The following ATP9A variants were observed in gnomAD, a reference collection of about 807,000 sequenced individuals.
ATP9A encodes the protein ATPase phospholipid transporting 9A.
A neutral mutation model predicts 144.1 loss-of-function variants in ATP9A; 52 were observed. The observed-to-expected ratio is 0.36, with a 90% CI of 0.29 to 0.45. The LOEUF (loss-of-function observed/expected upper bound fraction) is 0.45. ATP9A is among the 20% of genes least tolerant of loss of function. The pLI, the probability that ATP9A is intolerant of heterozygous loss-of-function variation, is 1.00. For synonymous variants in ATP9A, 582 were observed against 557.4 expected, an observed-to-expected ratio of 1.04 and a Z score of -0.62; for missense variants, 947 against 1,392.7, an observed-to-expected ratio of 0.68 and a Z score of 5.09.
At chr20:51,617,424 G>C in intron 22 of ATP9A, 66 bp downstream of exon 22, 1 of 1,490,874 alleles carries the variant, frequency 6.7e-7, no homozygotes, top group Non-Finnish European at 9.2e-7. Flanking sequence ...TTAAAGCTGT[G>C]TCTTTGAGGG....
intron 15 of ATP9A, among the ~76,000 whole-genome samples, chr20:51,631,333 A>G (rs1012022011): frequency 6.6e-6 from 1 of 152,214 alleles, no homozygotes; most frequent in Non-Finnish European, 1.5e-5. Context: ...GACTGTGGCT[A>G]TGCCTGCTCT....
rs2077123054 is a variant in ATP9A, at chr20:51,597,232, A to G, written c.*3979T>C. 6.6e-6 allele frequency: 1 copy of G among 152,206 alleles called. No homozygotes were observed. Among genetic ancestry groups the G allele is most frequent in the Admixed American group, 6.5e-5 (1 of 15,284 alleles). The allele number at this position is 152,206 out of a possible 1,614,324, so 9.4% of individuals were successfully genotyped here. ...GGTAATGCCGCTTTGGCCTGAGAAG[A>G]TGCTTCGGAGCTCCAGGTGGAGGAG... On this transcript the variant is annotated 3_prime_UTR_variant, in exon 28 of 28. Coordinates refer to ENST00000338821, the MANE Select transcript of ATP9A (RefSeq NM_006045.3).
chr20:51,660,260 A>C (rs76609148), intron 13 of ATP9A, among the ~76,000 whole-genome samples: 3,219 of 152,340 alleles, frequency 0.021, 121 homozygotes, highest in African/African-American at 0.073. Flanking sequence ...GAAAAGCTGT[A>C]CTGAGGGCAT....
At position 51,638,069 on chromosome 20, in the gene ATP9A, TTTTATATATATATATATATA is replaced by T. The variant is rs1438242252; in HGVS notation, c.1668+1254_1668+1273del. Among the ~76,000 whole-genome samples the T allele has an allele frequency of 3.7e-3, 269 of 73,144 alleles. 16 individuals carry two copies. The highest frequency in any genetic ancestry group is 9.5e-3 in the East Asian group (25 of 2,636). The allele number at this position is 73,144 out of a possible 152,430, so 48.0% of individuals were successfully genotyped here. A position where few individuals can be genotyped will look rare whatever the true frequency, so the allele number is the denominator to read the frequency against. On this transcript the variant is annotated intron_variant, in intron 15 of 27. Transcript: ENST00000338821. Reference sequence around the variant, plus strand: ...TCCATGGCTAAGTAGCATTTCATCATTTTATATATATATATATATATATATATATATATATATATATATAT... The same window carrying T: ...TCCATGGCTAAGTAGCATTTCATCATTATATATATATATATATATATATAT...
intron 14 of ATP9A, among the ~76,000 whole-genome samples, chr20:51,654,794 G>A (rs796362209): frequency 2.1e-5 from 1 of 48,780 alleles, no homozygotes; most frequent in Non-Finnish European, 6.1e-5. Context: ...TGCCTACTTG[G>A]GGCTTCACAA....
chr20:51,652,502 C>A (rs1175105266), intron 14 of ATP9A, among the ~76,000 whole-genome samples: 1 of 152,194 alleles, frequency 6.6e-6, no homozygotes, highest in Non-Finnish European at 1.5e-5. Flanking sequence ...TTCAAAGGCA[C>A]GATTCTAGAG....
At chr20:51,767,994 G>A (rs1463447215) in intron 1 of ATP9A, among the ~76,000 whole-genome samples, 2 of 152,208 alleles carry the variant, frequency 1.3e-5, no homozygotes, top group East Asian at 1.9e-4. Flanking sequence ...AAGCACGGCT[G>A]ATCCGAATTC....
chr20:51,670,906 C>T (rs572547327), intron 12 of ATP9A, among the ~76,000 whole-genome samples: 3 of 152,256 alleles, frequency 2.0e-5, no homozygotes, highest in African/African-American at 4.8e-5. Context: ...AAGGAGTGAC[C>T]GCACTGAAAC....
chr20:51,675,758 T>C (rs1418644597), intron 10 of ATP9A, among the ~76,000 whole-genome samples: 1 of 151,880 alleles, frequency 6.6e-6, no homozygotes, highest in Non-Finnish European at 1.5e-5. Context: ...TACACGCCTA[T>C]AGTCCCAGCT....
At chr20:51,761,800 C>T (rs984294625) in intron 1 of ATP9A, among the ~76,000 whole-genome samples, 1 of 151,818 alleles carries the variant, frequency 6.6e-6, no homozygotes, top group African/African-American at 2.4e-5. Context: ...TGGCTTAAAA[C>T]AATGCAAGTT....
intron 13 of ATP9A, among the ~76,000 whole-genome samples, chr20:51,669,451 T>C (rs1266468144): frequency 2.0e-5 from 3 of 152,196 alleles, no homozygotes; most frequent in South Asian, 2.1e-4. Flanking sequence ...CTCGTGATTG[T>C]TGAGTTGAAT....
At chr20:51,601,554 G>A (rs188736484) in intron 27 of ATP9A, among the ~76,000 whole-genome samples, 2 of 152,260 alleles carry the variant, frequency 1.3e-5, no homozygotes, top group African/African-American at 2.4e-5. Flanking sequence ...GATTTTCCTC[G>A]CTCTCTCTTC....
At chr20:51,746,567 C>T (rs1181520118) in intron 1 of ATP9A, among the ~76,000 whole-genome samples, 1 of 152,300 alleles carries the variant, frequency 6.6e-6, no homozygotes, top group Non-Finnish European at 1.5e-5. Flanking sequence ...GGGCTGGGCA[C>T]GGTGGCTCAC....
chr20:51,641,510 C>T (rs1259209929), intron 14 of ATP9A, among the ~76,000 whole-genome samples: 1 of 151,576 alleles, frequency 6.6e-6, no homozygotes, highest in African/African-American at 2.4e-5. Flanking sequence ...GAGTAAGACC[C>T]TGTCTCAAAA....
chr20:51,687,150 GA>G (rs1237044573), intron 9 of ATP9A, among the ~76,000 whole-genome samples: 4 of 152,162 alleles, frequency 2.6e-5, no homozygotes, highest in Non-Finnish European at 4.4e-5. Context: ...AAGTGGCAAG[GA>G]GGGGCAGGAT....
At chr20:51,723,579 T>C (rs1398782456) in intron 3 of ATP9A, among the ~76,000 whole-genome samples, 5 of 150,444 alleles carry the variant, frequency 3.3e-5, no homozygotes, top group Non-Finnish European at 7.4e-5. Flanking sequence ...TTTTTTTTTT[T>C]TTTTGAGACG....
intron 14 of ATP9A, among the ~76,000 whole-genome samples, chr20:51,655,135 G>T (rs2077381846): frequency 6.6e-6 from 1 of 152,190 alleles, no homozygotes; most frequent in Non-Finnish European, 1.5e-5. Context: ...TATGAGAATA[G>T]TTAGGATATT....
At chr20:51,749,987 GAA>G (rs141178780) in intron 1 of ATP9A, among the ~76,000 whole-genome samples, 1 of 151,684 alleles carries the variant, frequency 6.6e-6, no homozygotes, top group Non-Finnish European at 1.5e-5. Flanking sequence ...CTTAAAAAAA[GAA>G]AAAAAGTCCA....
intron 4 of ATP9A, among the ~76,000 whole-genome samples, chr20:51,708,188 A>G (rs1462431570): frequency 6.6e-6 from 1 of 152,136 alleles, no homozygotes; most frequent in East Asian, 1.9e-4. Flanking sequence ...ACAGTGGCTC[A>G]CATCTGTAAT....
Sources: allele counts gnomAD v4.1 joint callset (sites outside exome capture counted in the v4.1 genomes callset), GRCh38; gene constraint gnomAD v4.1.1; transcripts MANE v1.5; gene names NCBI Gene and HGNC (gene_info 2026-07-23, HGNC 2026-07-21).